Variants in FGFBP2 observed in about 807,000 individuals in gnomAD.
The protein encoded by FGFBP2 is fibroblast growth factor binding protein 2.
In FGFBP2, 7 loss-of-function variants were observed where a neutral mutation model predicts 7.3. That is an observed-to-expected ratio of 0.96 (90% confidence interval 0.55 to 1.81). The LOEUF (loss-of-function observed/expected upper bound fraction) is 1.81. FGFBP2 is among the 40% of genes most tolerant of loss of function. The pLI is 0.00. For synonymous variants in FGFBP2, 131 were observed against 110.2 expected (o/e 1.19, Z -1.18); for missense variants, 291 against 280.1 (o/e 1.04, Z -0.28).
At position 15,960,576 on chromosome 4, in the gene FGFBP2, A is replaced by T. The variant is rs536280039; in HGVS notation, c.*56T>A. 6.6e-6 allele frequency: 1 copy of T among 151,818 alleles called. No individual in the cohort carries two copies. The highest frequency in any genetic ancestry group is 1.9e-4 in the East Asian group (1 of 5,184). 9.4% of individuals were successfully genotyped at this position (151,818 alleles called of 1,614,324 possible). A position where few individuals can be genotyped will look rare whatever the true frequency, so the allele number is the denominator to read the frequency against. ...CGTTGGATTGAAAGCGGCATAATATAAAAAGAGATGGTTGTCTGTCAGGGA... is the reference window on the plus strand; with the variant it reads ...CGTTGGATTGAAAGCGGCATAATATTAAAAGAGATGGTTGTCTGTCAGGGA... On this transcript the variant is annotated 3_prime_UTR_variant, in exon 2 of 2. Transcript: ENST00000259989.
In FGFBP2 at chr4:15,962,443, G is replaced by A; in HGVS notation, c.*15C>T. On this transcript the variant is annotated 3_prime_UTR_variant, in exon 1 of 2. Coordinates refer to ENST00000259989, the MANE Select transcript of FGFBP2 (RefSeq NM_031950.4). ...AGTAAAGGAAAGGGTATTACCTGTA[G>A]GGGTCTTTCACCTGTCACCCTCGGA... 1.3e-6 allele frequency: 2 copies of A among 1,541,014 alleles called. No homozygotes were observed. Among genetic ancestry groups the A allele is most frequent in the Non-Finnish European group, 1.7e-6 (2 of 1,143,870 alleles).
In FGFBP2 at chr4:15,962,726, C is replaced by A. The variant is rs59591720; in HGVS notation, c.404G>T (p.Gly135Val). ...AGGCTGCTGGTTGGGCTCTGGGCTGCCCTTGAGGCTGGAAGTCACCTGCTG... is the reference window on the plus strand; with the variant it reads ...AGGCTGCTGGTTGGGCTCTGGGCTGACCTTGAGGCTGGAAGTCACCTGCTG... ...HMQQVTSSLK[G>V]SPEPNQQPEA... Residue 135 changes from glycine (G) to valine (V), a missense_variant, in exon 1 of 2, where the codon GGC becomes GTC. Coordinates refer to ENST00000259989, the MANE Select transcript of FGFBP2 (RefSeq NM_031950.4). The A allele has an allele frequency of 0.015, 23,882 of 1,613,408 alleles. 912 individuals carry two copies. Among genetic ancestry groups the A allele is most frequent in the African/African-American group, 0.14 (10,363 of 75,020 alleles).
intron 1 of FGFBP2, 75 bp downstream of exon 1, chr4:15,962,363 A>C: frequency 7.8e-7 from 1 of 1,276,088 alleles, no homozygotes; most frequent in South Asian, 1.8e-5. Context: ...GAAAGTGCTA[A>C]GTGCCTCTCA....
chr4:15,962,890 C>T lies in FGFBP2; in HGVS notation c.240G>A (p.Met80Ile). 6.4e-7 allele frequency: 1 copy of T among 1,563,664 alleles called. No individual in the cohort carries two copies. The highest frequency in any genetic ancestry group is 8.7e-7 in the Non-Finnish European group (1 of 1,155,572). Reference sequence around the variant, plus strand: ...TGGGGTCAGCAGCGAAAGCCTGGCACATGCTGGGCTGCCCCCTGTACTCAC... The same window carrying T: ...TGGGGTCAGCAGCGAAAGCCTGGCATATGCTGGGCTGCCCCCTGTACTCAC... ...YWCEYRGQPSMCQAFAADPKP... is the reference protein window; with the variant it reads ...YWCEYRGQPSICQAFAADPKP... The change falls in exon 1 of 2, where the codon ATG becomes ATA. Residue 80 changes from methionine (M) to isoleucine (I), a missense_variant. Transcript: ENST00000259989.
chr4:15,962,541 C>T lies in FGFBP2; in HGVS notation c.589G>A (p.Glu197Lys). 1 of 1,613,084 alleles carries T rather than the reference C, an allele frequency of 6.2e-7. No individual in the cohort carries two copies. The highest frequency in any genetic ancestry group is 8.5e-7 in the Non-Finnish European group (1 of 1,179,182). The change falls in exon 1 of 2, where the codon GAA (glutamate) becomes AAA (lysine). Residue 197 changes from glutamate to lysine, a missense_variant. Glu to Lys is a moderately conservative substitution (Grantham distance 56). Coordinates refer to ENST00000259989, the MANE Select transcript of FGFBP2 (RefSeq NM_031950.4). ...TGTTCCCAGGCCTTCTTCTTTGCTTCCTCATTCCCTCCGGGCCTGGGTCCA... is the reference window on the plus strand; with the variant it reads ...TGTTCCCAGGCCTTCTTCTTTGCTTTCTCATTCCCTCCGGGCCTGGGTCCA... ...QPGPRPGGNEEAKKKAWEHCW... is the reference protein window; with the variant it reads ...QPGPRPGGNEKAKKKAWEHCW...
rs200947460 is a variant in FGFBP2, at chr4:15,963,000, T to C, written c.130A>G (p.Thr44Ala). The change falls in exon 1 of 2, where the codon ACT (threonine) becomes GCT (alanine). Residue 44 changes from threonine to alanine, a missense_variant. By Grantham distance (58) the Thr-to-Ala change is moderately conservative (BLOSUM62 0). Coordinates refer to ENST00000259989, the MANE Select transcript of FGFBP2 (RefSeq NM_031950.4). The part of the protein sequence containing the change: ...HFQTGGRDSC[T>A]MRPSSLGQGA... Reference sequence around the variant, plus strand: ...TGCCCCAAGCTGCTGGGACGCATAGTGCAGGAATCTCTCCCTCCAGTCTGG... The same window carrying C: ...TGCCCCAAGCTGCTGGGACGCATAGCGCAGGAATCTCTCCCTCCAGTCTGG... 108 of 1,614,080 alleles carry C rather than the reference T, an allele frequency of 6.7e-5. No homozygotes were observed. In the East Asian group the frequency reaches 2.4e-3, roughly 36 times the overall value.
chr4:15,960,713 A>T (rs1043742932), intron 1 of FGFBP2, 102 bp from the exon 2 acceptor site: 2 of 152,060 alleles, frequency 1.3e-5, no homozygotes, highest in African/African-American at 2.4e-5. Flanking sequence ...AAACCTAAAA[A>T]CCGTAGACTT....
At position 15,963,086 on chromosome 4, in the gene FGFBP2, A is replaced by G; in HGVS notation, c.44T>C (p.Leu15Pro). The stretch of plus-strand genomic sequence containing the variant: ...CCTCGGGGCCTGACCCAAAGTCCCC[A>G]GGCAGGACAAGGTCACCAGCAGGAG... ...PCLLLVTLSC[L>P]GTLGQAPRQK... The change falls in exon 1 of 2, where the codon CTG becomes CCG. Residue 15 changes from leucine (L) to proline (P), a missense_variant. Transcript: ENST00000259989. 6.2e-7 allele frequency: 1 copy of G among 1,611,466 alleles called. No homozygotes were observed. The highest frequency in any genetic ancestry group is 8.5e-7 in the Non-Finnish European group (1 of 1,178,514).
Position 15,962,608 on chromosome 4 carries a change from T to TTTTCCCAGCTCTTCCATCGAGTCC in FGFBP2, c.498_521dup (p.Asp167_Lys174dup). 2 of 1,614,186 alleles carry TTTTCCCAGCTCTTCCATCGAGTCC rather than the reference T, an allele frequency of 1.2e-6. No individual in the cohort carries two copies. The highest frequency in any genetic ancestry group is 1.7e-6 in the Non-Finnish European group (2 of 1,180,038). On this transcript the variant is annotated inframe_insertion, in exon 1 of 2. Coordinates refer to ENST00000259989, the MANE Select transcript of FGFBP2 (RefSeq NM_031950.4). ...CTGTGGGTCGGGTGGTGGGTTTGGCTTTTCCCAGCTCTTCCATCGAGTCCT... is the reference window on the plus strand; with the variant it reads ...CTGTGGGTCGGGTGGTGGGTTTGGCTTTTCCCAGCTCTTCCATCGAGTCCTTTCCCAGCTCTTCCATCGAGTCCT...
Position 15,962,804 on chromosome 4 carries a change from G to A in FGFBP2, c.326C>T (p.Ala109Val), listed in dbSNP as rs964327094. The A allele has an allele frequency of 2.5e-6, 4 of 1,579,218 alleles. No homozygotes were observed. The highest frequency in any genetic ancestry group is 3.4e-6 in the Non-Finnish European group (4 of 1,162,984). ...GCACACGGATGGCCTAAGCACCGGG[G>A]CCCCCTGGCACGCATGGTGAAGGCG... ...LRRLHHACQG[A>V]PVLRPSVCRE... Residue 109 changes from alanine (A) to valine (V), a missense_variant, in exon 1 of 2, where the codon GCC becomes GTC. Physicochemically the swap from Ala to Val is moderately conservative, Grantham distance 64. Transcript: ENST00000259989.
At chr4:15,962,312 C>T in intron 1 of FGFBP2, 126 bp downstream of exon 1, 1 of 863,020 alleles carries the variant, frequency 1.2e-6, no homozygotes, top group South Asian at 2.6e-5. Context: ...AAACCCACCC[C>T]CAAACACACG....
In FGFBP2 at chr4:15,962,785, G is replaced by T. The variant is rs141225215; in HGVS notation, c.345C>A (p.Ser115=). Residue 115 remains serine (S), a synonymous_variant, in exon 1 of 2, where the codon TCC becomes TCA. Transcript: ENST00000259989. The part of the protein sequence containing the change: ...ACQGAPVLRP[S]VCREAGPQAH... ...CCTGGGGTCCAGCCTCCCTGCACAC[G>T]GATGGCCTAAGCACCGGGGCCCCCT... is the stretch of plus-strand genomic sequence containing the variant. 4.0e-4 allele frequency: 631 copies of T among 1,594,242 alleles called. No homozygotes were observed. Among genetic ancestry groups the T allele is most frequent in the Admixed American group, 5.4e-4 (32 of 58,912 alleles).
rs1473441797 is a variant in FGFBP2, at chr4:15,962,755, A to G, written c.375T>C (p.His125=). The G allele has an allele frequency of 3.7e-6, 6 of 1,610,482 alleles. No individual in the cohort carries two copies. Among genetic ancestry groups the G allele is most frequent in the Non-Finnish European group, 5.1e-6 (6 of 1,178,544 alleles). Reference sequence around the variant, plus strand: ...TGAGGCTGGAAGTCACCTGCTGCATATGGGCCTGGGGTCCAGCCTCCCTGC... The same window carrying G: ...TGAGGCTGGAAGTCACCTGCTGCATGTGGGCCTGGGGTCCAGCCTCCCTGC... ...SVCREAGPQA[H]MQQVTSSLKG... The change falls in exon 1 of 2, where the codon CAT becomes CAC. Residue 125 remains histidine, a synonymous_variant. Transcript: ENST00000259989.
intron 1 of FGFBP2, among the ~76,000 whole-genome samples, chr4:15,961,889 T>C (rs1419147035): frequency 6.6e-6 from 1 of 152,174 alleles, no homozygotes; most frequent in Non-Finnish European, 1.5e-5. Context: ...CTTTCCTCAG[T>C]GCACAACACT....
Position 15,962,672 on chromosome 4 carries a change from T to C in FGFBP2, c.458A>G (p.Lys153Arg). 5 of 1,614,196 alleles carry C rather than the reference T, an allele frequency of 3.1e-6. No individual in the cohort carries two copies. Among genetic ancestry groups the C allele is most frequent in the Non-Finnish European group, 4.2e-6 (5 of 1,180,032 alleles). ...TGCTTCTGTGAGTTTCACTGTGGCCTTGGGCCTCAGAGATGGCGTCCCAGC... is the reference window on the plus strand; with the variant it reads ...TGCTTCTGTGAGTTTCACTGTGGCCCTGGGCCTCAGAGATGGCGTCCCAGC... Reference protein sequence around the residue: ...PEAGTPSLRPKATVKLTEATQ... With the variant: ...PEAGTPSLRPRATVKLTEATQ... The change falls in exon 1 of 2, where the codon AAG (lysine) becomes AGG (arginine). Residue 153 changes from lysine (K) to arginine (R), a missense_variant. Coordinates refer to ENST00000259989, the MANE Select transcript of FGFBP2 (RefSeq NM_031950.4).
In FGFBP2 at chr4:15,962,747, T is replaced by G. The variant is rs1713122245; in HGVS notation, c.383A>C (p.Gln128Pro). The change falls in exon 1 of 2, where the codon CAG becomes CCG. Residue 128 changes from glutamine (Q) to proline (P), a missense_variant. Coordinates refer to ENST00000259989, the MANE Select transcript of FGFBP2 (RefSeq NM_031950.4). ...GCTGCCCTTGAGGCTGGAAGTCACC[T>G]GCTGCATATGGGCCTGGGGTCCAGC... is the stretch of plus-strand genomic sequence containing the variant. ...REAGPQAHMQ[Q>P]VTSSLKGSPE... 2.5e-6 allele frequency: 4 copies of G among 1,611,760 alleles called. No homozygotes were observed. The highest frequency in any genetic ancestry group is 2.2e-5 in the South Asian group (2 of 90,970).
At position 15,962,618 on chromosome 4, in the gene FGFBP2, T is replaced by A. The variant is rs1406350111; in HGVS notation, c.512A>T (p.Glu171Val). The change falls in exon 1 of 2, where the codon GAG becomes GTG. Residue 171 changes from glutamate to valine, a missense_variant. Transcript: ENST00000259989. ...GGTGGTGGGTTTGGCTTTTCCCAGC[T>A]CTTCCATCGAGTCCTTTCCCAGCTG... ...ATQLGKDSME[E>V]LGKAKPTTRP... 2 of 1,614,156 alleles carry A rather than the reference T, an allele frequency of 1.2e-6. No homozygotes were observed. Among genetic ancestry groups the A allele is most frequent in the South Asian group, 2.2e-5 (2 of 91,084 alleles).
intron 1 of FGFBP2, among the ~76,000 whole-genome samples, chr4:15,961,029 T>C (rs1002108397): frequency 1.3e-5 from 2 of 152,254 alleles, no homozygotes; most frequent in Non-Finnish European, 2.9e-5. Flanking sequence ...TGTGGTATTT[T>C]GCTATGGCAG....
chr4:15,961,091 T>C (rs1241998243), intron 1 of FGFBP2, among the ~76,000 whole-genome samples: 1 of 152,254 alleles, frequency 6.6e-6, no homozygotes, highest in Non-Finnish European at 1.5e-5. Flanking sequence ...AGGATCAAGA[T>C]ATTGTTTTGA....
Sources: allele counts gnomAD v4.1 joint callset (sites outside exome capture counted in the v4.1 genomes callset), GRCh38; gene constraint gnomAD v4.1.1; transcripts MANE v1.5; gene names NCBI Gene and HGNC (gene_info 2026-07-23, HGNC 2026-07-21).